KIF5C: variants seen among roughly 807,000 people sequenced by gnomAD.
KIF5C encodes kinesin family member 5C.
In KIF5C, 18 loss-of-function variants were observed where a neutral mutation model predicts 125.2. The ratio of observed to expected loss-of-function variants is 0.14; its 90% CI spans 0.10 to 0.21. The LOEUF is 0.21. Ranked by LOEUF, KIF5C falls within the 10% of genes least tolerant of loss-of-function variation. The pLI is 1.00. For synonymous variants in KIF5C, 405 were observed against 434.0 expected (o/e 0.93, Z 0.83); for missense variants, 780 against 1,183.8 (o/e 0.66, Z 5.01).
intron 1 of KIF5C, among the ~76,000 whole-genome samples, chr2:148,894,703 A>ATATATATATAT (rs1558875720): frequency 7.0e-4 from 104 of 147,520 alleles, no homozygotes; most frequent in African/African-American, 2.4e-3. Flanking sequence ...AGTTTAGTAC[A>ATATATATATAT]ATATATATAT....
At position 148,949,962 on chromosome 2, in the gene KIF5C, A is replaced by G; in HGVS notation, c.819+19A>G. ...AGGGACAGTAAGTGATCCTGCCCCC[A>G]TCTATTAAGTAATATTATGAGAAAC... is the stretch of plus-strand genomic sequence containing the variant. On this transcript the variant is annotated intron_variant, in intron 9 of 25. Coordinates refer to ENST00000435030, the MANE Select transcript of KIF5C (RefSeq NM_004522.3). 6.2e-7 allele frequency: 1 copy of G among 1,608,016 alleles called. No individual in the cohort carries two copies. Among genetic ancestry groups the G allele is most frequent in the Non-Finnish European group, 8.5e-7 (1 of 1,177,026 alleles).
intron 1 of KIF5C, among the ~76,000 whole-genome samples, chr2:148,918,274 T>C (rs1299790408): frequency 6.6e-6 from 1 of 152,210 alleles, no homozygotes; most frequent in Non-Finnish European, 1.5e-5. Context: ...TTTTCAGTAG[T>C]AATGTGTGTG....
rs1681151200 is a variant in KIF5C, at chr2:148,875,447, G to C, written c.-171G>C. The C allele has an allele frequency of 1.8e-6, 1 of 570,658 alleles. No individual in the cohort carries two copies. Among genetic ancestry groups the C allele is most frequent in the South Asian group, 2.2e-5 (1 of 46,152 alleles). The allele number at this position is 570,658 out of a possible 1,614,324, so 35.3% of individuals were successfully genotyped here. On this transcript the variant is annotated 5_prime_UTR_variant, in exon 1 of 26. Transcript: ENST00000435030. ...AGCTGCCCACCTTCCCGGGCTCGGA[G>C]CGGCCGGGGCTGCTCAGCCGGCCGG...
Position 148,997,323 on chromosome 2 carries a change from G to T in KIF5C, c.2083G>T (p.Asp695Tyr). Residue 695 changes from aspartate (D) to tyrosine (Y), a missense_variant, in exon 18 of 26, where the codon GAT becomes TAT. Asp to Tyr is a radical substitution (Grantham distance 160). Around this residue, in one of 2 missense-constraint regions of KIF5C, gnomAD observed 573 missense variants for 742.6 expected, o/e 0.77. Coordinates refer to ENST00000435030, the MANE Select transcript of KIF5C (RefSeq NM_004522.3). ...GAAGGAACATCTGACGCGGTTGCAG[G>T]ATGCTGAAGAAATGAAGGTGTGTGT... is the stretch of plus-strand genomic sequence containing the variant. Reference protein sequence around the residue: ...KEKEHLTRLQDAEEMKKALEQ... With the variant: ...KEKEHLTRLQYAEEMKKALEQ... 1 of 1,613,936 alleles carries T rather than the reference G, an allele frequency of 6.2e-7. No homozygotes were observed. The highest frequency in any genetic ancestry group is 8.5e-7 in the Non-Finnish European group (1 of 1,179,850).
Position 149,019,229 on chromosome 2 carries a change from G to A in KIF5C, c.*8-3849G>A, listed in dbSNP as rs371946385. ...GACAGCTAAGAAAACTGTGGAATGG[G>A]GAAGTTGGGATCATAGTGCCCGTAT... On this transcript the variant is annotated intron_variant, in intron 25 of 25. Transcript: ENST00000435030. 6.6e-5 allele frequency among the ~76,000 whole-genome samples: 10 copies of A among 152,290 alleles called. No homozygotes were observed. The East Asian group carries it at 1.2e-3, about 18-fold the overall frequency.
intron 11 of KIF5C, 47 bp from the exon 12 acceptor site, chr2:148,973,289 A>T: frequency 6.4e-7 from 1 of 1,573,148 alleles, no homozygotes; most frequent in Non-Finnish European, 8.6e-7. Context: ...GGAGGGTTGC[A>T]TACTCAATTT....
intron 23 of KIF5C, 59 bp downstream of exon 23, chr2:149,008,126 A>G: frequency 6.5e-7 from 1 of 1,539,288 alleles, no homozygotes; most frequent in South Asian, 1.3e-5. Flanking sequence ...AAGAAGCCCC[A>G]CCAGGTTTGG....
At chr2:148,928,404 C>A (rs908051697) in intron 2 of KIF5C, among the ~76,000 whole-genome samples, 4 of 152,116 alleles carry the variant, frequency 2.6e-5, no homozygotes, top group Admixed American at 2.0e-4. Flanking sequence ...TGTTCCTCTT[C>A]CAGTGATATT....
At chr2:149,003,361 G>A (rs1275701368) in intron 21 of KIF5C, among the ~76,000 whole-genome samples, 1 of 152,258 alleles carries the variant, frequency 6.6e-6, no homozygotes, top group Non-Finnish European at 1.5e-5. Context: ...AGGAGACAGT[G>A]GTGGAAAAGG....
chr2:148,962,311 G>T lies in KIF5C; in HGVS notation c.1117+192G>T, dbSNP rs11894938. Among the ~76,000 whole-genome samples the T allele has an allele frequency of 5.8e-3, 875 of 151,408 alleles. 3 individuals carry two copies. Among genetic ancestry groups the T allele is most frequent in the African/African-American group, 0.02 (830 of 41,242 alleles). ...CTCCCGAGTAGCTGGGATTACAGGC[G>T]TGCACCACCACACCTGGCTAATTTT... On this transcript the variant is annotated intron_variant, in intron 11 of 25. Coordinates refer to ENST00000435030, the MANE Select transcript of KIF5C (RefSeq NM_004522.3).
chr2:148,964,477 TG>T (rs1683003114), intron 11 of KIF5C, among the ~76,000 whole-genome samples: 1 of 152,118 alleles, frequency 6.6e-6, no homozygotes, highest in Non-Finnish European at 1.5e-5. Context: ...CAGTCAGATG[TG>T]GTCTCTTCCC....
intron 11 of KIF5C, among the ~76,000 whole-genome samples, chr2:148,963,987 C>T (rs1682989249): frequency 6.6e-6 from 1 of 152,166 alleles, no homozygotes. Context: ...ACTCTTCGAA[C>T]ACCTTGCGAA....
intron 8 of KIF5C, among the ~76,000 whole-genome samples, chr2:148,947,626 G>C (rs756541907): frequency 6.6e-6 from 1 of 152,072 alleles, no homozygotes; most frequent in African/African-American, 2.4e-5. Flanking sequence ...CTCTTTTGTC[G>C]TCTACACCCT....
intron 3 of KIF5C, among the ~76,000 whole-genome samples, chr2:148,932,842 A>G (rs1682210748): frequency 6.6e-6 from 1 of 152,114 alleles, no homozygotes; most frequent in South Asian, 2.1e-4. Flanking sequence ...TGTTTCAGGA[A>G]ACTCTGCCCT....
At chr2:148,948,376 T>C (rs1682576002) in intron 8 of KIF5C, among the ~76,000 whole-genome samples, 1 of 151,372 alleles carries the variant, frequency 6.6e-6, no homozygotes, top group Non-Finnish European at 1.5e-5. Flanking sequence ...AAAAAAAATT[T>C]ACTAGTACGG....
rs1231401841 is a variant in KIF5C at position 149,025,115 on chromosome 2, A to G, written c.*2045A>G. ...TTTCCAGGGTGATTTTTCCCTGGGTACCCCGTTTCTACTTCTAAAGAATTG... is the reference window on the plus strand; with the variant it reads ...TTTCCAGGGTGATTTTTCCCTGGGTGCCCCGTTTCTACTTCTAAAGAATTG... On this transcript the variant is annotated 3_prime_UTR_variant, in exon 26 of 26. Transcript: ENST00000435030. 1 of 152,534 alleles carries G rather than the reference A, an allele frequency of 6.6e-6. No individual in the cohort carries two copies. Among genetic ancestry groups the G allele is most frequent in the Non-Finnish European group, 1.5e-5 (1 of 68,014 alleles). 9.4% of individuals were successfully genotyped at this position (152,534 alleles called of 1,614,324 possible). A position where few individuals can be genotyped will look rare whatever the true frequency, so the allele number is the denominator to read the frequency against.
intron 7 of KIF5C, among the ~76,000 whole-genome samples, chr2:148,945,311 G>C (rs544973076): frequency 6.6e-6 from 1 of 152,050 alleles, no homozygotes; most frequent in Non-Finnish European, 1.5e-5. Flanking sequence ...ATTTTTGCAT[G>C]TACTCTAAGG....
rs1386566000 is a variant in KIF5C at position 148,922,121 on chromosome 2, T to C, written c.127-16T>C. The C allele has an allele frequency of 1.3e-6, 2 of 1,560,750 alleles. No individual in the cohort carries two copies. Among genetic ancestry groups the C allele is most frequent in the Non-Finnish European group, 1.7e-6 (2 of 1,143,924 alleles). The stretch of plus-strand genomic sequence containing the variant: ...GTTTTTTCCACCTTTTTCTTCCCTT[T>C]GTCTTTCTTTTTTAGCAAGGGAAGC... On this transcript the variant is annotated splice_polypyrimidine_tract_variant and intron_variant, in intron 1 of 25. Coordinates refer to ENST00000435030, the MANE Select transcript of KIF5C (RefSeq NM_004522.3).
chr2:148,895,876 C>CACACACACA (rs1558876307), intron 1 of KIF5C, among the ~76,000 whole-genome samples: 978 of 27,148 alleles, frequency 0.036, 11 homozygotes, highest in African/African-American at 0.067. Context: ...ACACACACAC[C>CACACACACA]CACAGAGATC....
Sources: allele counts gnomAD v4.1 joint callset (sites outside exome capture counted in the v4.1 genomes callset), GRCh38; gene constraint gnomAD v4.1.1; regional missense constraint gnomAD v4.1.1; transcripts MANE v1.5; gene names NCBI Gene and HGNC (gene_info 2026-07-23, HGNC 2026-07-21).